The following POLQ variants were observed in gnomAD, a reference collection of about 807,000 sequenced individuals.
POLQ encodes the protein epididymis secretory sperm binding protein.
POLQ carries 233 observed loss-of-function variants against 259.2 expected under a neutral mutation model. The ratio of observed to expected loss-of-function variants is 0.90; its 90% CI spans 0.81 to 1.00. POLQ has a LOEUF of 1.00. Ranked by LOEUF, POLQ falls within the 50% of genes least tolerant of loss-of-function variation. POLQ has a pLI of 0.00. For synonymous variants in POLQ, 1,025 were observed against 1,048.8 expected (o/e 0.98, Z 0.44); for missense variants, 2,871 against 3,051.6 (o/e 0.94, Z 1.39).
At chr3:121,508,093 C>G (rs908636532) in intron 12 of POLQ, among the ~76,000 whole-genome samples, 6 of 149,510 alleles carry the variant, frequency 4.0e-5, no homozygotes, top group Non-Finnish European at 8.9e-5. Context: ...TTCCTGGACT[C>G]AGGTGATCCT....
intron 12 of POLQ, among the ~76,000 whole-genome samples, chr3:121,504,298 C>T (rs577295388): frequency 1.9e-4 from 29 of 152,192 alleles, no homozygotes; most frequent in African/African-American, 6.3e-4. Flanking sequence ...AGATAATCTA[C>T]GTGGACTATT....
chr3:121,432,920 G>A lies in POLQ; in HGVS notation c.7657C>T (p.Gln2553Ter). 1 of 1,554,050 alleles carries A rather than the reference G, an allele frequency of 6.4e-7. No individual in the cohort carries two copies. The highest frequency in any genetic ancestry group is 8.9e-7 in the Non-Finnish European group (1 of 1,125,654). ...GGACACAAGCATTGCAAAAATACCT[G>A]AACAACATCTTCTTCTGCCACTTCA... Reference protein sequence around the residue: ...LYEVAEEDVVQVAQIVKNEME... With the variant: ...LYEVAEEDVV Residue 2553 changes from glutamine to a stop codon, truncating the protein, a stop_gained and splice_region_variant, in exon 29 of 30, where the codon CAG (glutamine) becomes TAG (stop). Coordinates refer to ENST00000264233, the MANE Select transcript of POLQ (RefSeq NM_199420.4). LOFTEE classifies it high-confidence loss of function.
At chr3:121,539,632 A>G (rs375730495) in intron 3 of POLQ, 43 bp from the exon 4 acceptor site, 1 of 1,491,036 alleles carries the variant, frequency 6.7e-7, no homozygotes, top group Non-Finnish European at 9.3e-7. Flanking sequence ...AAAAACTTGA[A>G]ATTCAAGAGT....
chr3:121,508,141 T>C (rs192336751), intron 12 of POLQ, among the ~76,000 whole-genome samples: 23 of 151,424 alleles, frequency 1.5e-4, no homozygotes, highest in African/African-American at 4.8e-4. Flanking sequence ...CAAACTGACA[T>C]GAACAAGTTT....
Position 121,460,976 on chromosome 3 carries a change from G to A in POLQ, c.6968-742C>T, listed in dbSNP as rs561369305. 9.9e-5 allele frequency among the ~76,000 whole-genome samples: 15 copies of A among 152,184 alleles called. No homozygotes were observed. In the East Asian group the frequency reaches 2.9e-3, roughly 29 times the overall value. ...ATAAGAAGAGTTGTTACTTGTGGAG[G>A]AAAAGACAAACTATAAATAAGAAGT... On this transcript the variant is annotated intron_variant, in intron 24 of 29. Coordinates refer to ENST00000264233, the MANE Select transcript of POLQ (RefSeq NM_199420.4).
chr3:121,488,876 C>T lies in POLQ; in HGVS notation c.4055G>A (p.Gly1352Glu), dbSNP rs761319918. 1.2e-6 allele frequency: 2 copies of T among 1,614,082 alleles called. No homozygotes were observed. Among genetic ancestry groups the T allele is most frequent in the African/African-American group, 2.7e-5 (2 of 75,042 alleles). ...TTGGACTAAGCTCTTCTGCATTATC[C>T]CTGCTGCCAGGTTGGTGTCCTTTGC... ...LGAKDTNLAA[G>E]IMQKSLVQQN... Residue 1352 changes from glycine to glutamate, a missense_variant, in exon 16 of 30, where the codon GGG (glycine) becomes GAG (glutamate). Physicochemically the swap from Gly to Glu is moderately conservative, Grantham distance 98. This residue lies in a region of POLQ where 2,080 missense variants were observed against 2,126.0 expected (regional missense o/e 0.98). Coordinates refer to ENST00000264233, the MANE Select transcript of POLQ (RefSeq NM_199420.4).
intron 25 of POLQ, among the ~76,000 whole-genome samples, chr3:121,457,531 C>A (rs533329009): frequency 1.3e-5 from 2 of 151,922 alleles, no homozygotes; most frequent in Admixed American, 1.3e-4. Context: ...CTCAAACAAA[C>A]TTACAAGAAA....
At chr3:121,515,095 A>G (rs1266739261) in intron 9 of POLQ, among the ~76,000 whole-genome samples, 3 of 152,222 alleles carry the variant, frequency 2.0e-5, no homozygotes, top group African/African-American at 7.2e-5. Flanking sequence ...AAGTTTAAAC[A>G]GCCCTCAGTT....
At chr3:121,472,254 A>T (rs975538436) in intron 21 of POLQ, 90 bp from the exon 22 acceptor site, 2 of 593,904 alleles carry the variant, frequency 3.4e-6, no homozygotes, top group Non-Finnish European at 5.6e-6. Flanking sequence ...CAGTCTCAAA[A>T]TTAAATTTGA....
chr3:121,527,274 C>T (rs534948898), intron 7 of POLQ, among the ~76,000 whole-genome samples: 2 of 152,262 alleles, frequency 1.3e-5, no homozygotes, highest in Admixed American at 1.3e-4. Flanking sequence ...GTTGTCCAGG[C>T]TGGTCTCAAA....
At chr3:121,433,771 T>C (rs571486809) in intron 28 of POLQ, among the ~76,000 whole-genome samples, 1 of 152,360 alleles carries the variant, frequency 6.6e-6, no homozygotes, top group Admixed American at 6.5e-5. Flanking sequence ...TTACTGGAAC[T>C]GCCTTTACTT....
At chr3:121,494,483 G>C (rs1244168315) in intron 14 of POLQ, 3 of 1,480,132 alleles carry the variant, frequency 2.0e-6, no homozygotes, top group East Asian at 4.6e-5. Flanking sequence ...TGCTGGCAGA[G>C]GGGACGTCCC....
rs115477598 is a variant in POLQ, at chr3:121,512,082, T to G, written c.1469-53A>C. ...AATCCCAATATAGTTCCATAAGATA[T>G]CTGCTAAAGAGATTTTAAGTTGCCT... On this transcript the variant is annotated intron_variant, in intron 9 of 29. Transcript: ENST00000264233. 1.7e-3 allele frequency: 2,554 copies of G among 1,485,916 alleles called. 41 individuals carry two copies. The African/African-American group carries it at 0.032, about 18-fold the overall frequency. The allele number at this position is 1,485,916 out of a possible 1,614,324, so 92.0% of individuals were successfully genotyped here.
At chr3:121,507,127 A>G (rs1449441771) in intron 12 of POLQ, among the ~76,000 whole-genome samples, 1 of 152,236 alleles carries the variant, frequency 6.6e-6, no homozygotes, top group African/African-American at 2.4e-5. Flanking sequence ...AGGTAGGTGG[A>G]AAAGGCATGG....
At chr3:121,457,948 C>A (rs535894587) in intron 25 of POLQ, among the ~76,000 whole-genome samples, 49 of 152,146 alleles carry the variant, frequency 3.2e-4, no homozygotes, top group South Asian at 2.5e-3. Flanking sequence ...ATGTTTATTG[C>A]GGCACTATTC....
intron 10 of POLQ, among the ~76,000 whole-genome samples, chr3:121,510,583 A>C (rs952165168): frequency 6.6e-6 from 1 of 150,564 alleles, no homozygotes; most frequent in Non-Finnish European, 1.5e-5. Flanking sequence ...TCTCAAAAAA[A>C]CAATTAAAAA....
At position 121,520,048 on chromosome 3, in the gene POLQ, C is replaced by T. The variant is rs752122377; in HGVS notation, c.1291G>A (p.Ala431Thr). 10 of 1,613,272 alleles carry T rather than the reference C, an allele frequency of 6.2e-6. No homozygotes were observed. The highest frequency in any genetic ancestry group is 6.8e-6 in the Non-Finnish European group (8 of 1,179,304). ...ACCCGAATGAGACCTTGACGAAAGG[C>T]TCCTTCAATGATATCCCTCTCCTCA... ...TFEERDIIEG[A>T]FRQGLIRVLA... is the part of the protein sequence containing the mutation. The change falls in exon 9 of 30, where the codon GCC (alanine) becomes ACC (threonine). Residue 431 changes from alanine (A) to threonine (T), a missense_variant. Transcript: ENST00000264233.
intron 18 of POLQ, among the ~76,000 whole-genome samples, chr3:121,482,989 T>C (rs1172287117): frequency 6.6e-6 from 1 of 152,214 alleles, no homozygotes; most frequent in African/African-American, 2.4e-5. Flanking sequence ...ATCCTTTTTG[T>C]CATCTTATTC....
Position 121,488,217 on chromosome 3 carries a change from T to C in POLQ, c.4714A>G (p.Asn1572Asp). ...TCTTGGACAGGAAATATATCCACATTGTCCAAAGCTTCAACCATCTGAACA... is the reference window on the plus strand; with the variant it reads ...TCTTGGACAGGAAATATATCCACATCGTCCAAAGCTTCAACCATCTGAACA... ...DSVQMVEALD[N>D]VDIFPVQEKN... The change falls in exon 16 of 30, where the codon AAT (asparagine) becomes GAT (aspartate). Residue 1572 changes from asparagine (N) to aspartate (D), a missense_variant. Physicochemically the swap from Asn to Asp is conservative, Grantham distance 23. This residue lies in a region of POLQ where 2,080 missense variants were observed against 2,126.0 expected (regional missense o/e 0.98). Coordinates refer to ENST00000264233, the MANE Select transcript of POLQ (RefSeq NM_199420.4). The C allele has an allele frequency of 6.2e-7, 1 of 1,613,570 alleles. No individual in the cohort carries two copies. The highest frequency in any genetic ancestry group is 8.5e-7 in the Non-Finnish European group (1 of 1,179,884).
Sources: allele counts gnomAD v4.1 joint callset (sites outside exome capture counted in the v4.1 genomes callset), GRCh38; gene constraint gnomAD v4.1.1; regional missense constraint gnomAD v4.1.1; transcripts MANE v1.5; gene names NCBI Gene and HGNC (gene_info 2026-07-23, HGNC 2026-07-21).